RPH3AL: variants seen among roughly 807,000 people sequenced by gnomAD.
RPH3AL encodes the protein rab effector Noc2.
In RPH3AL, 38 loss-of-function variants were observed where a neutral mutation model predicts 43.1. The ratio of observed to expected loss-of-function variants is 0.88; its 90% CI spans 0.68 to 1.15. The LOEUF (loss-of-function observed/expected upper bound fraction) is 1.15, where lower values mean the gene tolerates loss of function less well. RPH3AL is among the 50% of genes most tolerant of loss of function. The pLI is 0.00. For missense variants in RPH3AL, 462 were observed against 423.2 expected, an observed-to-expected ratio of 1.09 and a Z score of -0.81; for synonymous variants, 189 against 176.3, an observed-to-expected ratio of 1.07 and a Z score of -0.57.
At chr17:235,256 C>T (rs8076034) in intron 7 of RPH3AL, among the ~76,000 whole-genome samples, 26,188 of 65,530 alleles carry the variant, frequency 0.4, 2,939 homozygotes, top group African/African-American at 0.47. Context: ...GGTCCAGGGT[C>T]CAAAGCTGGG....
At chr17:258,768 T>TG (rs1197504239) in intron 6 of RPH3AL, among the ~76,000 whole-genome samples, 6 of 150,240 alleles carry the variant, frequency 4.0e-5, no homozygotes, top group Non-Finnish European at 8.9e-5. Flanking sequence ...TTTTTTTTTT[T>TG]TTTTTTTTTT....
At chr17:240,176 G>A (rs1202167567) in intron 7 of RPH3AL, among the ~76,000 whole-genome samples, 1 of 150,272 alleles carries the variant, frequency 6.7e-6, no homozygotes, top group East Asian at 2.0e-4. Flanking sequence ...GGTGGAGGTT[G>A]CAGTGAGCTG....
intron 2 of RPH3AL, among the ~76,000 whole-genome samples, chr17:330,712 C>T (rs2044731050): frequency 6.6e-6 from 1 of 152,110 alleles, no homozygotes; most frequent in Admixed American, 6.5e-5. Context: ...CCCGTCTCCA[C>T]TAAAAATGCA....
At position 290,300 on chromosome 17, in the gene RPH3AL, G is replaced by A. The variant is rs758727456; in HGVS notation, c.352-8446C>T. Among the ~76,000 whole-genome samples the A allele has an allele frequency of 2.0e-5, 3 of 152,214 alleles. No individual in the cohort carries two copies. Among genetic ancestry groups the A allele is most frequent in the Non-Finnish European group, 2.9e-5 (2 of 68,040 alleles). On this transcript the variant is annotated intron_variant, in intron 5 of 9. Transcript: ENST00000331302. The surrounding 1 kb of genome is among the most constrained non-coding windows in gnomAD (Gnocchi z 4.2). ...GGGCAAGTGTCCGAGGAGGTGGGGTGGTGGCCAGGTGGGCCTCAGTCTCAG... is the reference window on the plus strand; with the variant it reads ...GGGCAAGTGTCCGAGGAGGTGGGGTAGTGGCCAGGTGGGCCTCAGTCTCAG...
intron 7 of RPH3AL, among the ~76,000 whole-genome samples, chr17:243,631 ACCCTTCCTCTATTGATTAC>A (rs2041649169): frequency 1.4e-5 from 1 of 71,060 alleles, no homozygotes; most frequent in Non-Finnish European, 2.7e-5. Flanking sequence ...TCTATTGATT[ACCCTTCCTCTATTGATTAC>A]CCTTCCTCTA....
intron 5 of RPH3AL, among the ~76,000 whole-genome samples, chr17:315,532 G>GA (rs2043985263): frequency 2.1e-4 from 32 of 149,270 alleles, no homozygotes; most frequent in African/African-American, 3.0e-4. Context: ...TAGTCCCTGT[G>GA]CTCCCACCTC....
At chr17:256,223 T>G (rs2042048570) in intron 6 of RPH3AL, among the ~76,000 whole-genome samples, 3 of 111,670 alleles carry the variant, frequency 2.7e-5, no homozygotes, top group African/African-American at 5.5e-5. Flanking sequence ...CCTAGGAACG[T>G]GACTACCCTA....
At chr17:307,863 G>A (rs1187270987) in intron 5 of RPH3AL, among the ~76,000 whole-genome samples, 2 of 152,192 alleles carry the variant, frequency 1.3e-5, no homozygotes, top group East Asian at 3.9e-4. Context: ...AGAAAAGGAG[G>A]CCTCAATGGA....
intron 6 of RPH3AL, among the ~76,000 whole-genome samples, chr17:249,646 A>AGTACT (rs782817734): frequency 8.0e-5 from 12 of 150,236 alleles, no homozygotes; most frequent in Non-Finnish European, 1.3e-4. Flanking sequence ...GCATCACATT[A>AGTACT]GTACTGTGGG....
At chr17:217,167 C>A (rs985432878) in intron 8 of RPH3AL, among the ~76,000 whole-genome samples, 8 of 140,808 alleles carry the variant, frequency 5.7e-5, no homozygotes, top group Non-Finnish European at 1.1e-4. Context: ...TATTACAGAG[C>A]CCTTCTTCTG....
intron 2 of RPH3AL, among the ~76,000 whole-genome samples, chr17:329,309 C>G (rs549417648): frequency 1.3e-5 from 2 of 152,024 alleles, no homozygotes; most frequent in African/African-American, 4.8e-5. Flanking sequence ...CCCGCCTCTA[C>G]TAAAAATACA....
chr17:310,934 T>C (rs1436335786), intron 5 of RPH3AL, among the ~76,000 whole-genome samples: 2 of 152,144 alleles, frequency 1.3e-5, no homozygotes, highest in Non-Finnish European at 2.9e-5. Flanking sequence ...AGGGGGGCAG[T>C]GCCTCTGCGA....
Position 243,423 on chromosome 17 carries a change from CCCTTCCTCTATTGATTA to C in RPH3AL, c.613+3671_613+3687del, listed in dbSNP as rs1567577946. Among the ~76,000 whole-genome samples, 109 of 109,488 alleles carry C rather than the reference CCCTTCCTCTATTGATTA, an allele frequency of 1.0e-3. 4 individuals are homozygous for C. The highest frequency in any genetic ancestry group is 3.0e-3 in the African/African-American group (95 of 31,568). 71.8% of individuals were successfully genotyped at this position (109,488 alleles called of 152,430 possible). A position where few individuals can be genotyped will look rare whatever the true frequency, so the allele number is the denominator to read the frequency against. The stretch of plus-strand genomic sequence containing the variant: ...ATTGACTACCTTCCTCTATTGATTA[CCCTTCCTCTATTGATTA>C]CCTTCCTCTATTGATTACCTTCCTC... On this transcript the variant is annotated intron_variant, in intron 7 of 9. Coordinates refer to ENST00000331302, the MANE Select transcript of RPH3AL (RefSeq NM_006987.4).
At position 219,739 on chromosome 17, in the gene RPH3AL, G is replaced by A. The variant is rs779817620; in HGVS notation, c.614-3C>T. 7 of 1,607,882 alleles carry A rather than the reference G, an allele frequency of 4.4e-6. No individual in the cohort carries two copies. The highest frequency in any genetic ancestry group is 4.3e-6 in the Non-Finnish European group (5 of 1,174,664). ...ACTGTCACTGTCACTGGAAACCACT[G>A]GAAGAGACAGACCACAGCACAGGAG... On this transcript the variant is annotated splice_polypyrimidine_tract_variant and splice_region_variant and intron_variant, in intron 7 of 9. Transcript: ENST00000331302.
intron 3 of RPH3AL, among the ~76,000 whole-genome samples, chr17:324,664 ATTCT>A (rs751319928): frequency 1.6e-4 from 23 of 144,594 alleles, no homozygotes; most frequent in Non-Finnish European, 2.8e-4. Context: ...TCTCACTCCT[ATTCT>A]TTCTTTCTAT....
rs1244537374 is a variant in RPH3AL, at chr17:246,958, G to A, written c.613+153C>T. Among the ~76,000 whole-genome samples, 1 of 152,202 alleles carries A rather than the reference G, an allele frequency of 6.6e-6. No homozygotes were observed. Among genetic ancestry groups the A allele is most frequent in the Non-Finnish European group, 1.5e-5 (1 of 68,028 alleles). ...GTCCCCGCTGCTCACTCGGGAGAAGGTGTGGAGCTGAGGGCACAGGGAGGG... is the reference window on the plus strand; with the variant it reads ...GTCCCCGCTGCTCACTCGGGAGAAGATGTGGAGCTGAGGGCACAGGGAGGG... On this transcript the variant is annotated intron_variant, in intron 7 of 9. Coordinates refer to ENST00000331302, the MANE Select transcript of RPH3AL (RefSeq NM_006987.4). The surrounding 1 kb of genome is among the most constrained non-coding windows in gnomAD (Gnocchi z 4.8).
chr17:278,601 T>C (rs1165095804), intron 6 of RPH3AL, among the ~76,000 whole-genome samples: 1 of 152,114 alleles, frequency 6.6e-6, no homozygotes, highest in Non-Finnish European at 1.5e-5. Context: ...ATTTTGTCGG[T>C]GGGCCCCTCT....
At chr17:237,785 A>G (rs2041433896) in intron 7 of RPH3AL, among the ~76,000 whole-genome samples, 2 of 152,206 alleles carry the variant, frequency 1.3e-5, no homozygotes, top group South Asian at 4.1e-4. Context: ...CCCACCTGAG[A>G]GCCCTCTGAA....
rs1486504066 is a variant in RPH3AL at position 283,135 on chromosome 17, C to A, written c.352-1281G>T. Among the ~76,000 whole-genome samples, 3 of 149,206 alleles carry A rather than the reference C, an allele frequency of 2.0e-5. No individual in the cohort carries two copies. The highest frequency in any genetic ancestry group is 3.0e-5 in the Non-Finnish European group (2 of 67,408). ...CCATCTTTCTGCCACACGGAAGCCA[C>A]CCGGTCCCTGCGTGGGTGGGGGCTC... On this transcript the variant is annotated intron_variant, in intron 5 of 9. Coordinates refer to ENST00000331302, the MANE Select transcript of RPH3AL (RefSeq NM_006987.4). This position sits in a 1 kb window ranked among gnomAD's most constrained non-coding sequence, Gnocchi z 4.2.
Sources: allele counts gnomAD v4.1 joint callset (sites outside exome capture counted in the v4.1 genomes callset), GRCh38; gene constraint gnomAD v4.1.1; non-coding constraint Gnocchi (gnomAD v3.1); transcripts MANE v1.5; gene names NCBI Gene and HGNC (gene_info 2026-07-23, HGNC 2026-07-21).